Variants in MAN2A1 observed in about 807,000 individuals in gnomAD.
The protein encoded by MAN2A1 is alpha-mannosidase 2.
MAN2A1 carries 76 observed loss-of-function variants against 142.6 expected under a neutral mutation model. That is an observed-to-expected ratio of 0.53 (90% CI 0.44 to 0.65). The LOEUF is 0.65. MAN2A1 is among the 30% of genes least tolerant of loss of function. MAN2A1 has a pLI of 0.00. For missense variants in MAN2A1, 1,311 were observed against 1,365.1 expected (o/e 0.96, Z 0.62); for synonymous variants, 559 against 473.2 (o/e 1.18, Z -2.35).
intron 5 of MAN2A1, among the ~76,000 whole-genome samples, chr5:109,760,160 T>A (rs1752804579): frequency 6.6e-6 from 1 of 152,010 alleles, no homozygotes. Context: ...CTGACGCCCC[T>A]GTGTGTCGTG....
chr5:109,778,909 A>G lies in MAN2A1; in HGVS notation c.1375-2487A>G, dbSNP rs1753369081. Among the ~76,000 whole-genome samples the G allele has an allele frequency of 2.6e-5, 4 of 152,170 alleles. No individual in the cohort carries two copies. The South Asian group carries it at 8.3e-4, about 31-fold the overall frequency. ...GCTGAAAAATTGACGTGGAATAGCC[A>G]AGACAGTCATTTTGCCATTTGATCA... On this transcript the variant is annotated intron_variant, in intron 8 of 21. Transcript: ENST00000261483.
chr5:109,690,148 TG>T lies in MAN2A1; in HGVS notation c.-265del, dbSNP rs1210348873. The T allele has an allele frequency of 7.0e-6, 3 of 426,302 alleles. No individual in the cohort carries two copies. Among genetic ancestry groups the T allele is most frequent in the Non-Finnish European group, 8.6e-6 (2 of 231,954 alleles). 26.4% of individuals were successfully genotyped at this position (426,302 alleles called of 1,614,324 possible). On this transcript the variant is annotated 5_prime_UTR_variant, in exon 1 of 22. Coordinates refer to ENST00000261483, the MANE Select transcript of MAN2A1 (RefSeq NM_002372.4). The stretch of plus-strand genomic sequence containing the variant: ...GGCGCTGAGCTTGCGATCAAGTTTG[TG>T]GGGGCCCCCCTTCCCAGTTGCCGGC...
In MAN2A1 at chr5:109,811,573, CGTGTGTGTGTGTGTGTGT is replaced by C. The variant is rs70999943; in HGVS notation, c.1944-5683_1944-5666del. On this transcript the variant is annotated intron_variant, in intron 12 of 21. Coordinates refer to ENST00000261483, the MANE Select transcript of MAN2A1 (RefSeq NM_002372.4). ...GAAGATTGTTAATCTTCCTAACAGC[CGTGTGTGTGTGTGTGTGT>C]GTGTGTGTGTGTGTGTCTGTGTCTG... Among the ~76,000 whole-genome samples the C allele has an allele frequency of 1.5e-4, 22 of 145,014 alleles. No homozygotes were observed. The East Asian group carries it at 3.4e-3, about 23-fold the overall frequency.
intron 10 of MAN2A1, among the ~76,000 whole-genome samples, chr5:109,788,366 G>T (rs1265926990): frequency 1.3e-5 from 2 of 151,816 alleles, no homozygotes; most frequent in African/African-American, 2.4e-5. Flanking sequence ...AGTAATTTCA[G>T]TGACCAAAAA....
At chr5:109,846,581 G>C (rs1462550193) in intron 18 of MAN2A1, among the ~76,000 whole-genome samples, 1 of 152,156 alleles carries the variant, frequency 6.6e-6, no homozygotes. Flanking sequence ...TTTCTATTGA[G>C]AGGCTTTGAT....
intron 11 of MAN2A1, 101 bp downstream of exon 11, chr5:109,789,149 T>C: frequency 1.6e-6 from 1 of 615,758 alleles, no homozygotes; most frequent in Admixed American, 3.2e-5. Flanking sequence ...CATTGAAATA[T>C]AATTTTTTGT....
intron 8 of MAN2A1, among the ~76,000 whole-genome samples, chr5:109,778,488 T>C (rs1229565717): frequency 6.6e-6 from 1 of 152,116 alleles, no homozygotes; most frequent in African/African-American, 2.4e-5. Flanking sequence ...TTTTGTAGAT[T>C]CCCTTTATCA....
At chr5:109,737,016 T>C (rs893775616) in intron 4 of MAN2A1, among the ~76,000 whole-genome samples, 3 of 152,068 alleles carry the variant, frequency 2.0e-5, no homozygotes, top group Admixed American at 6.6e-5. Flanking sequence ...AATTTGCAAG[T>C]GCTATTTTTT....
At position 109,716,180 on chromosome 5, in the gene MAN2A1, G is replaced by C; in HGVS notation, c.451G>C (p.Gly151Arg). 6.2e-7 allele frequency: 1 copy of C among 1,611,808 alleles called. No individual in the cohort carries two copies. Among genetic ancestry groups the C allele is most frequent in the Non-Finnish European group, 8.5e-7 (1 of 1,178,426 alleles). ...DNPDGGVWKQ[G>R]FDITYESNEW... ...TCCAGATGGTGGAGTTTGGAAGCAA[G>C]GATTTGACATTACTTATGAATCTAA... Residue 151 changes from glycine (G) to arginine (R), a missense_variant, in exon 3 of 22, where the codon GGA becomes CGA. By Grantham distance (125) the Gly-to-Arg change is moderately radical. Transcript: ENST00000261483.
chr5:109,733,704 G>A (rs1751994560), intron 4 of MAN2A1, among the ~76,000 whole-genome samples: 1 of 152,102 alleles, frequency 6.6e-6, no homozygotes, highest in Admixed American at 6.6e-5. Flanking sequence ...GCATCCCAGG[G>A]ATGAAGCCCA....
intron 5 of MAN2A1, among the ~76,000 whole-genome samples, chr5:109,760,585 A>G (rs2112635418): frequency 6.6e-6 from 1 of 151,956 alleles, no homozygotes; most frequent in Middle Eastern, 3.4e-3. Flanking sequence ...GTTGATTTAT[A>G]CTCCCACCAA....
At position 109,714,719 on chromosome 5, in the gene MAN2A1, C is replaced by T. The variant is rs867073394; in HGVS notation, c.390+945C>T. 3.3e-5 allele frequency among the ~76,000 whole-genome samples: 5 copies of T among 152,232 alleles called. No individual in the cohort carries two copies. In the East Asian group the frequency reaches 5.8e-4, roughly 18 times the overall value. On this transcript the variant is annotated intron_variant, in intron 2 of 21. Coordinates refer to ENST00000261483, the MANE Select transcript of MAN2A1 (RefSeq NM_002372.4). ...ATTATTTGGCTTCTGGCCTCGTTTT[C>T]GAATATGTACTTTCCACTAACTGCT...
chr5:109,690,172 G>C lies in MAN2A1; in HGVS notation c.-246G>C. ...GTGGGGGCCCCCCTTCCCAGTTGCC[G>C]GCGAGTCTCGCCTCGAGAGGGGCGC... On this transcript the variant is annotated 5_prime_UTR_variant, in exon 1 of 22. Coordinates refer to ENST00000261483, the MANE Select transcript of MAN2A1 (RefSeq NM_002372.4). 1 of 461,844 alleles carries C rather than the reference G, an allele frequency of 2.2e-6. No homozygotes were observed. Among genetic ancestry groups the C allele is most frequent in the Non-Finnish European group, 3.9e-6 (1 of 254,262 alleles). The allele number at this position is 461,844 out of a possible 1,614,324, so 28.6% of individuals were successfully genotyped here.
At chr5:109,861,621 C>T (rs905271208) in intron 20 of MAN2A1, among the ~76,000 whole-genome samples, 1 of 152,170 alleles carries the variant, frequency 6.6e-6, no homozygotes, top group African/African-American at 2.4e-5. Context: ...TTCATCCCAT[C>T]TTACAGAATA....
intron 12 of MAN2A1, among the ~76,000 whole-genome samples, chr5:109,800,745 G>A (rs920687089): frequency 6.6e-6 from 1 of 152,158 alleles, no homozygotes; most frequent in African/African-American, 2.4e-5. Context: ...GTTTTATGGA[G>A]TAAATGAAGA....
chr5:109,820,287 C>T lies in MAN2A1; in HGVS notation c.2396C>T (p.Thr799Ile). Reference sequence around the variant, plus strand: ...GTGCAATTTTCATGGTATGGAACCACAATTAAAAGAGACAAAAGTGGTGCC... The same window carrying T: ...GTGCAATTTTCATGGTATGGAACCATAATTAAAAGAGACAAAAGTGGTGCC... ...VNVQFSWYGT[T>I]IKRDKSGAYL... Residue 799 changes from threonine to isoleucine, a missense_variant, in exon 15 of 22, where the codon ACA becomes ATA. Thr to Ile is a moderately conservative substitution (Grantham distance 89). Transcript: ENST00000261483. 2 of 1,612,464 alleles carry T rather than the reference C, an allele frequency of 1.2e-6. No individual in the cohort carries two copies. The highest frequency in any genetic ancestry group is 1.1e-5 in the South Asian group (1 of 91,018).
intron 13 of MAN2A1, among the ~76,000 whole-genome samples, chr5:109,817,644 G>T (rs1002228167): frequency 2.0e-5 from 3 of 152,020 alleles, no homozygotes; most frequent in African/African-American, 7.2e-5. Flanking sequence ...TAATTTCTTT[G>T]TTAGTATATA....
intron 20 of MAN2A1, among the ~76,000 whole-genome samples, chr5:109,858,147 A>G (rs1368953022): frequency 3.9e-5 from 6 of 152,216 alleles, no homozygotes; most frequent in African/African-American, 1.2e-4. Flanking sequence ...AATAATGCCT[A>G]TTGATAACTA....
At chr5:109,813,501 T>A (rs1020442661) in intron 12 of MAN2A1, among the ~76,000 whole-genome samples, 5 of 152,210 alleles carry the variant, frequency 3.3e-5, no homozygotes, top group African/African-American at 1.2e-4. Flanking sequence ...ATATGTCCAG[T>A]GAGAAGAATG....
Sources: allele counts gnomAD v4.1 joint callset (sites outside exome capture counted in the v4.1 genomes callset), GRCh38; gene constraint gnomAD v4.1.1; transcripts MANE v1.5; gene names NCBI Gene and HGNC (gene_info 2026-07-23, HGNC 2026-07-21).